The following STXBP4 variants were observed in gnomAD, a reference collection of about 807,000 sequenced individuals.
STXBP4 encodes the protein syntaxin-binding protein 4.
STXBP4 carries 55 observed loss-of-function variants against 76.1 expected under a neutral mutation model. The ratio of observed to expected loss-of-function variants is 0.72; its 90% CI spans 0.58 to 0.91. The LOEUF is 0.91. Among genes scored for constraint, STXBP4 ranks in the 40% least tolerant of loss-of-function variants. The pLI, the probability that STXBP4 is intolerant of heterozygous loss-of-function variation, is 0.00. For synonymous variants in STXBP4, 201 were observed against 220.2 expected (o/e 0.91, Z 0.77); for missense variants, 618 against 636.9 (o/e 0.97, Z 0.32).
intron 4 of STXBP4, chr17:54,991,475 C>T (rs1316758513): frequency 1.3e-5 from 2 of 152,076 alleles, no homozygotes; most frequent in Admixed American, 1.3e-4. Flanking sequence ...CTCTCCTCTT[C>T]AGTGTAAGAA....
chr17:55,195,843 G>A, the STXBP4 span, among the ~76,000 whole-genome samples: 2 of 152,148 alleles, frequency 1.3e-5, no homozygotes, highest in Non-Finnish European at 2.9e-5. Context: ...GAGATTTTTG[G>A]TTGTCACAGT....
At chr17:54,986,002 A>G (rs2077621479) in intron 2 of STXBP4, 140 bp from the exon 3 acceptor site, 2 of 525,734 alleles carry the variant, frequency 3.8e-6, no homozygotes, top group Non-Finnish European at 6.7e-6. Context: ...ATAACACAAA[A>G]TACATACAAT....
intron 7 of STXBP4, among the ~76,000 whole-genome samples, chr17:55,001,990 C>T (rs938783395): frequency 2.0e-5 from 3 of 152,146 alleles, no homozygotes; most frequent in East Asian, 1.9e-4. Context: ...TAGTTTCCTC[C>T]GATTTGGGGT....
At chr17:55,104,748 G>T (rs1369360284) in intron 16 of STXBP4, among the ~76,000 whole-genome samples, 1 of 152,076 alleles carries the variant, frequency 6.6e-6, no homozygotes, top group Non-Finnish European at 1.5e-5. Context: ...CTGTGAATCT[G>T]TCTGGTTCTG....
chr17:55,046,346 G>A (rs1342790473), intron 11 of STXBP4, among the ~76,000 whole-genome samples: 1 of 151,746 alleles, frequency 6.6e-6, no homozygotes, highest in Non-Finnish European at 1.5e-5. Flanking sequence ...ATACCAGAAA[G>A]GATATTGCCT....
rs2145213785 is a variant in STXBP4, at chr17:55,169,857, A to G, written c.*9946A>G. On this transcript the variant is annotated 3_prime_UTR_variant, in exon 18 of 18. Transcript: ENST00000376352. ...AATCCAAGACAGATAATTTTGTAGT[A>G]TTTACTGTGTGAAGTGAACCTTTAA... 1.3e-5 allele frequency: 2 copies of G among 152,336 alleles called. No homozygotes were observed. Among genetic ancestry groups the G allele is most frequent in the African/African-American group, 2.4e-5 (1 of 41,586 alleles). The allele number at this position is 152,336 out of a possible 1,614,324, so 9.4% of individuals were successfully genotyped here.
intron 8 of STXBP4, among the ~76,000 whole-genome samples, chr17:55,014,646 A>C (rs2078173424): frequency 6.6e-6 from 1 of 151,996 alleles, no homozygotes; most frequent in African/African-American, 2.4e-5. Flanking sequence ...TTCCCTGGGC[A>C]CCTTCAGTCC....
At chr17:54,986,356 C>A in intron 3 of STXBP4, 90 bp downstream of exon 3, 1 of 941,994 alleles carries the variant, frequency 1.1e-6, no homozygotes, top group Non-Finnish European at 1.6e-6. Flanking sequence ...TTACATCTAG[C>A]TCTCTAATGT....
chr17:55,156,360 C>G (rs1261156964), intron 17 of STXBP4, among the ~76,000 whole-genome samples: 1 of 152,166 alleles, frequency 6.6e-6, no homozygotes, highest in Non-Finnish European at 1.5e-5. Context: ...CTGGGATTAT[C>G]TCATCATACC....
intron 14 of STXBP4, 70 bp from the exon 15 acceptor site, chr17:55,078,616 A>G: frequency 1.0e-6 from 1 of 968,080 alleles, no homozygotes. Context: ...TATAAATATT[A>G]ATGAAGAAAA....
intron 11 of STXBP4, 195 bp downstream of exon 11, chr17:55,043,520 A>T: frequency 8.8e-7 from 1 of 1,138,198 alleles, no homozygotes; most frequent in Non-Finnish European, 1.2e-6. Context: ...TTTATATTTC[A>T]CAATATCTGT....
chr17:55,173,915 G>T (rs1202326378), downstream of STXBP4, among the ~76,000 whole-genome samples: 1 of 152,148 alleles, frequency 6.6e-6, no homozygotes, highest in Admixed American at 6.5e-5. Context: ...CTTGCCTTTT[G>T]ACCCCCTTTA....
intron 1 of STXBP4, among the ~76,000 whole-genome samples, chr17:54,972,568 A>C (rs1387060284): frequency 6.6e-6 from 1 of 152,176 alleles, no homozygotes; most frequent in African/African-American, 2.4e-5. Flanking sequence ...CCTTTATGAC[A>C]TGTTTCCATC....
intron 15 of STXBP4, among the ~76,000 whole-genome samples, chr17:55,080,689 A>G (rs1331582424): frequency 6.6e-6 from 1 of 152,082 alleles, no homozygotes; most frequent in Non-Finnish European, 1.5e-5. Flanking sequence ...TAACAAATTC[A>G]TGTTTATATG....
chr17:54,980,605 G>A (rs956460795), intron 1 of STXBP4, among the ~76,000 whole-genome samples: 2 of 152,320 alleles, frequency 1.3e-5, no homozygotes, highest in East Asian at 1.9e-4. Context: ...TACACCCTAT[G>A]TAAATGAAGG....
intron 10 of STXBP4, among the ~76,000 whole-genome samples, chr17:55,034,907 T>C (rs2078571947): frequency 6.6e-6 from 1 of 152,080 alleles, no homozygotes; most frequent in Non-Finnish European, 1.5e-5. Context: ...ATTTATATTA[T>C]TGAATATTTT....
rs943395522 is a variant in STXBP4, at chr17:55,167,347, A to G, written c.*7436A>G. On this transcript the variant is annotated 3_prime_UTR_variant, in exon 18 of 18. Transcript: ENST00000376352. ...TTAAAATGTAACATTAACATAAAAA[A>G]CTCTTTTAGCTGTTTCCTGCTTCTG... 6.6e-6 allele frequency: 1 copy of G among 152,110 alleles called. No individual in the cohort carries two copies. Among genetic ancestry groups the G allele is most frequent in the Non-Finnish European group, 1.5e-5 (1 of 68,036 alleles). The allele number at this position is 152,110 out of a possible 1,614,324, so 9.4% of individuals were successfully genotyped here.
At chr17:55,115,460 A>G (rs2079770022) in intron 16 of STXBP4, among the ~76,000 whole-genome samples, 1 of 151,860 alleles carries the variant, frequency 6.6e-6, no homozygotes, top group Non-Finnish European at 1.5e-5. Context: ...GACTAAGAGT[A>G]TGGTTGCATT....
intron 4 of STXBP4, among the ~76,000 whole-genome samples, chr17:54,996,969 G>A (rs1407760529): frequency 1.3e-5 from 2 of 152,192 alleles, no homozygotes; most frequent in African/African-American, 2.4e-5. Flanking sequence ...GAATGTCAAT[G>A]TGAAAGAATT....
Sources: gnomAD v4.1 joint callset for allele counts (sites outside exome capture counted in the v4.1 genomes callset) on GRCh38, gnomAD v4.1.1 for gene constraint, MANE v1.5 for transcripts, NCBI Gene and HGNC (gene_info 2026-07-23, HGNC 2026-07-21) for gene names.